Variants in LAMA3 observed in about 807,000 individuals in gnomAD.
LAMA3 encodes the protein laminin subunit alpha-3.
Under a neutral mutation model 402.0 loss-of-function variants are expected in LAMA3, and 281 were observed. The observed-to-expected ratio is 0.70, with a 90% CI of 0.63 to 0.77. LAMA3 has a LOEUF of 0.77. Among genes scored for constraint, LAMA3 ranks in the 30% least tolerant of loss-of-function variants. The probability of loss-of-function intolerance (pLI) is 0.00; values close to 1 mark genes in which losing one functional copy is unlikely to be tolerated. For missense variants in LAMA3, 3,840 were observed against 4,215.5 expected, an observed-to-expected ratio of 0.91 and a Z score of 2.47; for synonymous variants, 1,431 against 1,558.4, an observed-to-expected ratio of 0.92 and a Z score of 1.93.
chr18:23,834,407 C>A (rs946268650), intron 24 of LAMA3: 1 of 178,410 alleles, frequency 5.6e-6, no homozygotes, highest in Non-Finnish European at 1.2e-5. Context: ...TTGCAACACA[C>A]CTTCAGAACT....
At chr18:23,837,570 G>GAT (rs56179962) in intron 25 of LAMA3, among the ~76,000 whole-genome samples, 5,610 of 83,250 alleles carry the variant, frequency 0.067, 387 homozygotes, top group Non-Finnish European at 0.088. Flanking sequence ...CAGTTAATCA[G>GAT]ATATATATAT....
intron 29 of LAMA3, among the ~76,000 whole-genome samples, chr18:23,843,155 C>A (rs1250963745): frequency 6.6e-6 from 1 of 152,130 alleles, no homozygotes; most frequent in Non-Finnish European, 1.5e-5. Flanking sequence ...TGACACCGAG[C>A]CCCTCATTGT....
Position 23,920,886 on chromosome 18 carries a change from T to A in LAMA3, c.7924-49T>A, listed in dbSNP as rs766921264. The A allele has an allele frequency of 1.1e-5, 18 of 1,611,370 alleles. No individual in the cohort carries two copies. The African/African-American group carries it at 2.1e-4, about 19-fold the overall frequency. ...GTAACGGGAGTTCCAGTGCTCTGCCTCTTCTTCAGCCAAGCCTTCTGGTCA... is the reference window on the plus strand; with the variant it reads ...GTAACGGGAGTTCCAGTGCTCTGCCACTTCTTCAGCCAAGCCTTCTGGTCA... On this transcript the variant is annotated intron_variant, in intron 60 of 74. Coordinates refer to ENST00000313654, the MANE Select transcript of LAMA3 (RefSeq NM_198129.4).
chr18:23,776,998 G>T (rs979267553), intron 10 of LAMA3, among the ~76,000 whole-genome samples: 1 of 151,878 alleles, frequency 6.6e-6, no homozygotes, highest in East Asian at 1.9e-4. Context: ...GTGCCACCAC[G>T]CCTGGCTAAT....
chr18:23,807,721 C>A (rs1598832314), intron 12 of LAMA3, among the ~76,000 whole-genome samples: 1 of 152,122 alleles, frequency 6.6e-6, no homozygotes. Context: ...TGGATGAGGA[C>A]CACTCACATG....
At chr18:23,706,221 C>A (rs377109331) in intron 1 of LAMA3, among the ~76,000 whole-genome samples, 2 of 152,286 alleles carry the variant, frequency 1.3e-5, no homozygotes, top group East Asian at 3.9e-4. Context: ...CATCCACCCT[C>A]CTGTGGCTGG....
Position 23,895,071 on chromosome 18 carries a change from C to T in LAMA3, c.5613+13C>T, listed in dbSNP as rs766241071. On this transcript the variant is annotated intron_variant, in intron 44 of 74. Transcript: ENST00000313654. Reference sequence around the variant, plus strand: ...CAAGGACCTGAGGGTAAATCCCCTGCGGCCGAGAGTAGACACGTGGGGAGG... The same window carrying T: ...CAAGGACCTGAGGGTAAATCCCCTGTGGCCGAGAGTAGACACGTGGGGAGG... The T allele has an allele frequency of 5.7e-5, 90 of 1,580,890 alleles. No homozygotes were observed. The highest frequency in any genetic ancestry group is 7.0e-5 in the Non-Finnish European group (81 of 1,163,918).
chr18:23,872,920 G>A (rs1181468272), intron 38 of LAMA3: 4 of 1,226,760 alleles, frequency 3.3e-6, no homozygotes, highest in Non-Finnish European at 4.7e-6. Context: ...GTTTAAAGGT[G>A]GGGCCCCTGC....
chr18:23,703,245 T>C (rs1168268625), intron 1 of LAMA3, among the ~76,000 whole-genome samples: 2 of 152,208 alleles, frequency 1.3e-5, no homozygotes, highest in Non-Finnish European at 2.9e-5. Context: ...GTGGTTCCAA[T>C]GGTGGTATGA....
chr18:23,719,287 G>T (rs994159641), intron 2 of LAMA3, among the ~76,000 whole-genome samples: 2 of 152,096 alleles, frequency 1.3e-5, no homozygotes, highest in African/African-American at 2.4e-5. Context: ...TTGAGCACAG[G>T]AGTTAAATCC....
chr18:23,899,302 A>T lies in LAMA3; in HGVS notation c.5851A>T (p.Ile1951Phe), dbSNP rs1392762202. Residue 1951 changes from isoleucine to phenylalanine, a missense_variant, in exon 47 of 75, where the codon ATC becomes TTC. By Grantham distance (21) the Ile-to-Phe change is conservative. This residue lies in a region of LAMA3 where 891 missense variants were observed against 857.5 expected (regional missense o/e 1.04). Transcript: ENST00000313654. ...ATGTTTCCTAGTTCTTTTAAAGCAG[A>T]TCTCTGGGACAGATGGAGAGGGAAA... ...IRNVHILLKQISGTDGEGNNV... is the reference protein window; with the variant it reads ...IRNVHILLKQFSGTDGEGNNV... 2 of 1,613,924 alleles carry T rather than the reference A, an allele frequency of 1.2e-6. No individual in the cohort carries two copies. Among genetic ancestry groups the T allele is most frequent in the Non-Finnish European group, 8.5e-7 (1 of 1,179,984 alleles).
chr18:23,804,848 A>C (rs1010336563), intron 12 of LAMA3, among the ~76,000 whole-genome samples: 4 of 152,014 alleles, frequency 2.6e-5, no homozygotes, highest in Admixed American at 2.6e-4. Context: ...ACCTCCCCCT[A>C]CCTTGCTTCT....
At chr18:23,748,756 C>T (rs1283431720) in intron 3 of LAMA3, among the ~76,000 whole-genome samples, 1 of 148,664 alleles carries the variant, frequency 6.7e-6, no homozygotes, top group African/African-American at 2.5e-5. Context: ...GACTGTGCCA[C>T]AGCACTCCAG....
chr18:23,697,630 C>T (rs74672820), intron 1 of LAMA3, among the ~76,000 whole-genome samples: 2,649 of 152,136 alleles, frequency 0.017, 73 homozygotes, highest in East Asian at 0.15. Flanking sequence ...CTCATTGGAG[C>T]TTCCTGGATT....
At chr18:23,849,720 T>A (rs2063901254) in intron 32 of LAMA3, among the ~76,000 whole-genome samples, 1 of 152,218 alleles carries the variant, frequency 6.6e-6, no homozygotes, top group African/African-American at 2.4e-5. Flanking sequence ...TAACTCAGGA[T>A]GGAGGCATGT....
At chr18:23,864,699 G>C in intron 35 of LAMA3, 86 bp from the exon 36 acceptor site, 3 of 856,972 alleles carry the variant, frequency 3.5e-6, no homozygotes, top group Non-Finnish European at 6.0e-6. Flanking sequence ...TCCACACCTT[G>C]TGTGCCTAAG....
chr18:23,867,501 GTTGTGCCATTTCACTCC>G, intron 36 of LAMA3, among the ~76,000 whole-genome samples: 1 of 146,124 alleles, frequency 6.8e-6, no homozygotes, highest in Non-Finnish European at 1.5e-5. Flanking sequence ...GTGAGCCAAG[GTTGTGCCATTTCACTCC>G]AGCCTGGGCA....
At position 23,824,450 on chromosome 18, in the gene LAMA3, T is replaced by C; in HGVS notation, c.2456T>C (p.Phe819Ser). 1 of 1,614,170 alleles carries C rather than the reference T, an allele frequency of 6.2e-7. No individual in the cohort carries two copies. The highest frequency in any genetic ancestry group is 8.5e-7 in the Non-Finnish European group (1 of 1,180,000). Residue 819 changes from phenylalanine (F) to serine (S), a missense_variant, in exon 21 of 75, where the codon TTC becomes TCC. By Grantham distance (155) the Phe-to-Ser change is radical. This residue lies in a region of LAMA3 where 2,109 missense variants were observed against 2,376.0 expected (regional missense o/e 0.89). Coordinates refer to ENST00000313654, the MANE Select transcript of LAMA3 (RefSeq NM_198129.4). ...WGAAQSKEII[F>S]LPSKEPAFVT... ...GCTGCTCAAAGCAAAGAGATCATCT[T>C]CCTGCCGAGTAAGGAGCCAGCCTTT...
At chr18:23,734,813 A>T (rs541873494) in intron 2 of LAMA3, among the ~76,000 whole-genome samples, 1 of 152,342 alleles carries the variant, frequency 6.6e-6, no homozygotes, top group African/African-American at 2.4e-5. Context: ...GAATGCCAAG[A>T]AAAGAAGAAG....
Sources: gnomAD v4.1 joint callset for allele counts (sites outside exome capture counted in the v4.1 genomes callset) on GRCh38, gnomAD v4.1.1 for gene constraint, gnomAD v4.1.1 regional missense constraint, MANE v1.5 for transcripts, NCBI Gene and HGNC (gene_info 2026-07-23, HGNC 2026-07-21) for gene names.